PIK3C2A: variants seen among roughly 807,000 people sequenced by gnomAD.
PIK3C2A encodes phosphatidylinositol 4-phosphate 3-kinase C2 domain-containing subunit alpha.
In PIK3C2A, 97 loss-of-function variants were observed where a neutral mutation model predicts 204.5. That is an observed-to-expected ratio of 0.47 (90% CI 0.40 to 0.56). PIK3C2A has a LOEUF of 0.56. Among genes scored for constraint, PIK3C2A ranks in the 20% least tolerant of loss-of-function variants. PIK3C2A has a pLI of 0.00. For missense variants in PIK3C2A, 1,735 were observed against 1,969.2 expected (o/e 0.88, Z 2.25); for synonymous variants, 653 against 664.4 (o/e 0.98, Z 0.26).
chr11:17,153,907 T>G (rs770269599), intron 3 of PIK3C2A, among the ~76,000 whole-genome samples: 8 of 152,194 alleles, frequency 5.3e-5, no homozygotes, highest in Non-Finnish European at 1.2e-4. Flanking sequence ...CATCTCCTCA[T>G]CTCAATCTCC....
chr11:17,142,039 T>C (rs543641563), intron 8 of PIK3C2A, among the ~76,000 whole-genome samples: 19 of 152,318 alleles, frequency 1.2e-4, no homozygotes, highest in African/African-American at 4.3e-4. Context: ...GGTATCTCTG[T>C]ACCTTCCTCT....
At chr11:17,143,429 A>G (rs1555026048) in intron 8 of PIK3C2A, among the ~76,000 whole-genome samples, 2 of 152,272 alleles carry the variant, frequency 1.3e-5, no homozygotes, top group African/African-American at 2.4e-5. Flanking sequence ...GAGTGATTTC[A>G]GATCACAGGA....
chr11:17,194,079 A>T (rs1852053485), intron 1 of PIK3C2A: 2 of 426,768 alleles, frequency 4.7e-6, no homozygotes, highest in Admixed American at 6.8e-5. Flanking sequence ...CTTGTAAAGG[A>T]GGTTAAGCCC....
rs1446475349 is a variant in PIK3C2A, at chr11:17,101,398, T to C, written c.3888A>G (p.Ala1296=). 1 of 1,585,622 alleles carries C rather than the reference T, an allele frequency of 6.3e-7. No individual in the cohort carries two copies. Among genetic ancestry groups the C allele is most frequent in the Non-Finnish European group, 8.6e-7 (1 of 1,159,284 alleles). Residue 1296 remains alanine, a synonymous_variant, in exon 25 of 33, where the codon GCA becomes GCG. Transcript: ENST00000691414. ...GCTTTTCACCCCCATTAATGACATA[T>C]GCCATATCAGAGGTCAGCACAAAAG... ...RAPFVLTSDM[A]YVINGGEKPT... is the part of the protein sequence containing the mutation.
chr11:17,108,200 A>G (rs1325735027), intron 22 of PIK3C2A, among the ~76,000 whole-genome samples: 2 of 152,224 alleles, frequency 1.3e-5, no homozygotes, highest in Non-Finnish European at 2.9e-5. Context: ...AAAGAGCTGT[A>G]ACACTCAAAA....
intron 23 of PIK3C2A, among the ~76,000 whole-genome samples, chr11:17,104,745 A>T (rs917379758): frequency 6.6e-6 from 1 of 151,258 alleles, no homozygotes; most frequent in Admixed American, 6.6e-5. Context: ...AAAAAAAAAA[A>T]ATTTGCATAA....
chr11:17,122,222 G>T lies in PIK3C2A; in HGVS notation c.2623C>A (p.Leu875Ile). Residue 875 changes from leucine to isoleucine, a missense_variant, in exon 15 of 33, where the codon CTT becomes ATT. Transcript: ENST00000691414. ...GAGTCTTTATGAAGAATATCAAGAA[G>T]TTTCCCTTTTATATCATTCTCTAGT... ...ETLENDIKGK[L>I]LDILHKDSSL... 2 of 1,579,268 alleles carry T rather than the reference G, an allele frequency of 1.3e-6. No homozygotes were observed. The highest frequency in any genetic ancestry group is 1.7e-6 in the Non-Finnish European group (2 of 1,150,772).
At chr11:17,181,839 C>G (rs1036306213) in intron 1 of PIK3C2A, among the ~76,000 whole-genome samples, 1 of 151,904 alleles carries the variant, frequency 6.6e-6, no homozygotes, top group Admixed American at 6.6e-5. Flanking sequence ...CACCTGTAAT[C>G]CCAGCACTTT....
intron 1 of PIK3C2A, among the ~76,000 whole-genome samples, chr11:17,196,437 G>T (rs1591025397): frequency 6.6e-6 from 1 of 152,260 alleles, no homozygotes; most frequent in Non-Finnish European, 1.5e-5. Context: ...CTTGGACTAG[G>T]ATAACAGCAA....
At chr11:17,174,052 C>T (rs1022037587) in intron 1 of PIK3C2A, among the ~76,000 whole-genome samples, 1 of 151,970 alleles carries the variant, frequency 6.6e-6, no homozygotes, top group African/African-American at 2.4e-5. Context: ...TCTTGAACTC[C>T]TGACCTCAAG....
intron 15 of PIK3C2A, among the ~76,000 whole-genome samples, chr11:17,121,816 T>C (rs569891170): frequency 1.2e-3 from 176 of 152,142 alleles, no homozygotes; most frequent in African/African-American, 4.1e-3. Context: ...TTCTTGGTCT[T>C]AATCTTATTA....
In PIK3C2A at chr11:17,110,453, G is replaced by C. The variant is rs1346441963; in HGVS notation, c.3523C>G (p.Leu1175Val). 6.2e-7 allele frequency: 1 copy of C among 1,611,090 alleles called. No homozygotes were observed. Among genetic ancestry groups the C allele is most frequent in the Non-Finnish European group, 8.5e-7 (1 of 1,178,520 alleles). Residue 1175 changes from leucine to valine, a missense_variant, in exon 22 of 33, where the codon CTC becomes GTC. Around this residue, in one of 6 missense-constraint regions of PIK3C2A, gnomAD observed 503 missense variants for 669.0 expected, o/e 0.75. Coordinates refer to ENST00000691414, the MANE Select transcript of PIK3C2A (RefSeq NM_002645.4). ...TTACCTCGATCTCTGCCAGTTGAGA[G>C]ACATTTGAAAATTACCATCCTCAGA... ...LDLRMVIFKCLSTGRDRGMVE... is the reference protein window; with the variant it reads ...LDLRMVIFKCVSTGRDRGMVE...
At chr11:17,092,501 T>G (rs534148511) in intron 28 of PIK3C2A, among the ~76,000 whole-genome samples, 18 of 152,258 alleles carry the variant, frequency 1.2e-4, no homozygotes, top group African/African-American at 4.3e-4. Context: ...ACCCTGTCTC[T>G]ACTAAAAATA....
intron 1 of PIK3C2A, among the ~76,000 whole-genome samples, chr11:17,193,095 C>T (rs1446728151): frequency 6.6e-6 from 1 of 152,208 alleles, no homozygotes; most frequent in Non-Finnish European, 1.5e-5. Flanking sequence ...TGGTCGCCTG[C>T]ACTCTGTTAG....
rs188745575 is a variant in PIK3C2A, at chr11:17,173,309, G to C, written c.-65-3503C>G. Among the ~76,000 whole-genome samples, 335 of 152,250 alleles carry C rather than the reference G, an allele frequency of 2.2e-3. 1 individual carries two copies. Among genetic ancestry groups the C allele is most frequent in the African/African-American group, 7.7e-3 (318 of 41,550 alleles). ...TTGTCCCCCATTCCCATCCACTCCA[G>C]AGGATCCAAATATGGCCCATCAGAG... is the stretch of plus-strand genomic sequence containing the variant. On this transcript the variant is annotated intron_variant, in intron 1 of 32. Coordinates refer to ENST00000691414, the MANE Select transcript of PIK3C2A (RefSeq NM_002645.4).
At chr11:17,124,322 A>G (rs1849452703) in intron 13 of PIK3C2A, among the ~76,000 whole-genome samples, 1 of 152,230 alleles carries the variant, frequency 6.6e-6, no homozygotes, top group Admixed American at 6.5e-5. Context: ...AATAATTAAC[A>G]ATAATTACTT....
intron 13 of PIK3C2A, among the ~76,000 whole-genome samples, 177 bp downstream of exon 13, chr11:17,129,123 C>A (rs1202711701): frequency 6.6e-6 from 1 of 152,192 alleles, no homozygotes; most frequent in Non-Finnish European, 1.5e-5. Flanking sequence ...ATATAGCAGA[C>A]TAACTTTGAT....
intron 2 of PIK3C2A, among the ~76,000 whole-genome samples, chr11:17,156,076 T>C (rs1480512678): frequency 2.0e-5 from 3 of 152,154 alleles, no homozygotes; most frequent in Non-Finnish European, 4.4e-5. Flanking sequence ...TGTAAGAGAA[T>C]GGGCATTTTC....
chr11:17,148,474 C>A (rs1471916258), intron 5 of PIK3C2A, 193 bp downstream of exon 5: 8 of 547,518 alleles, frequency 1.5e-5, no homozygotes, highest in Non-Finnish European at 1.3e-5. Flanking sequence ...TCACTTATCT[C>A]TGAAACCCCA....
Sources: allele counts gnomAD v4.1 joint callset (sites outside exome capture counted in the v4.1 genomes callset), GRCh38; gene constraint gnomAD v4.1.1; regional missense constraint gnomAD v4.1.1; transcripts MANE v1.5; gene names NCBI Gene and HGNC (gene_info 2026-07-23, HGNC 2026-07-21).